The following PGAP1 variants were observed in gnomAD, a reference collection of about 807,000 sequenced individuals.
PGAP1 encodes the protein GPI inositol-deacylase.
PGAP1 carries 76 observed loss-of-function variants against 127.0 expected under a neutral mutation model. That is an observed-to-expected ratio of 0.60 (90% CI 0.50 to 0.72). The LOEUF (loss-of-function observed/expected upper bound fraction) is 0.72, where lower values mean the gene tolerates loss of function less well. PGAP1 is among the 30% of genes least tolerant of loss of function. PGAP1 has a pLI of 0.00. For missense variants in PGAP1, 982 were observed against 1,071.3 expected (o/e 0.92, Z 1.16); for synonymous variants, 362 against 366.5 (o/e 0.99, Z 0.14).
rs1700398862 is a variant in PGAP1, at chr2:196,841,097, T to C, written c.*137A>G. ...CTTCCCTCAAACATTACAAAACTAA[T>C]TTCCTATTTTCAATATTGTAAAAAT... On this transcript the variant is annotated 3_prime_UTR_variant, in exon 27 of 27. Coordinates refer to ENST00000354764, the MANE Select transcript of PGAP1 (RefSeq NM_024989.4). 1.0e-6 allele frequency: 1 copy of C among 1,004,168 alleles called. No homozygotes were observed. Among genetic ancestry groups the C allele is most frequent in the Non-Finnish European group, 1.4e-6 (1 of 690,240 alleles). The allele number at this position is 1,004,168 out of a possible 1,614,324, so 62.2% of individuals were successfully genotyped here. A position where few individuals can be genotyped will look rare whatever the true frequency, so the allele number is the denominator to read the frequency against.
intron 13 of PGAP1, 82 bp downstream of exon 13, chr2:196,879,994 A>T: frequency 1.0e-6 from 1 of 967,946 alleles, no homozygotes; most frequent in Non-Finnish European, 1.6e-6. Context: ...TAAACTGTGC[A>T]GAAAAACTCA....
chr2:196,922,847 C>T (rs1162295404), intron 1 of PGAP1, among the ~76,000 whole-genome samples: 2 of 150,962 alleles, frequency 1.3e-5, no homozygotes, highest in African/African-American at 2.4e-5. Flanking sequence ...TCACACTTGG[C>T]TAATTTTTTG....
intron 5 of PGAP1, 85 bp downstream of exon 5, chr2:196,902,500 C>T: frequency 8.4e-7 from 1 of 1,190,554 alleles, no homozygotes; most frequent in South Asian, 1.6e-5. Flanking sequence ...GCAGTCATTA[C>T]CATGCAGCTA....
Position 196,833,507 on chromosome 2 carries a change from C to T in PGAP1, c.*7727G>A, listed in dbSNP as rs1475417752. 5 of 152,060 alleles carry T rather than the reference C, an allele frequency of 3.3e-5. No individual in the cohort carries two copies. The highest frequency in any genetic ancestry group is 1.2e-4 in the African/African-American group (5 of 41,406). 9.4% of individuals were successfully genotyped at this position (152,060 alleles called of 1,614,324 possible). ...ATCTCAGCATAACACATAGGTTGTC[C>T]TCTATAAATTTTTTAACTATAGTAT... On this transcript the variant is annotated 3_prime_UTR_variant, in exon 27 of 27. Transcript: ENST00000354764.
chr2:196,922,248 TA>T, intron 1 of PGAP1: 2 of 1,234,322 alleles, frequency 1.6e-6, no homozygotes, highest in Non-Finnish European at 2.1e-6. Flanking sequence ...AATGCTGATT[TA>T]AGAAACTAAA....
In PGAP1 at chr2:196,872,725, G is replaced by C. The variant is rs546330921; in HGVS notation, c.1620-176C>G. 5 of 594,730 alleles carry C rather than the reference G, an allele frequency of 8.4e-6. No individual in the cohort carries two copies. In the South Asian group the frequency reaches 9.5e-5, roughly 11 times the overall value. The allele number at this position is 594,730 out of a possible 1,614,324, so 36.8% of individuals were successfully genotyped here. The stretch of plus-strand genomic sequence containing the variant: ...CACAATTGTTTGAATGCTCCCTCTA[G>C]GACACAGGAGTTGCGAGAGGGTGGA... On this transcript the variant is annotated intron_variant, in intron 17 of 26. Coordinates refer to ENST00000354764, the MANE Select transcript of PGAP1 (RefSeq NM_024989.4).
chr2:196,913,631 ATC>A (rs1702908996), intron 3 of PGAP1, among the ~76,000 whole-genome samples: 1 of 152,162 alleles, frequency 6.6e-6, no homozygotes, highest in Admixed American at 6.5e-5. Flanking sequence ...GTTTTCAACA[ATC>A]TCCTCAGTCT....
chr2:196,926,414 A>G (rs556900857), intron 1 of PGAP1, 56 bp downstream of exon 1: 68 of 1,605,446 alleles, frequency 4.2e-5, no homozygotes, highest in Non-Finnish European at 5.4e-5. Context: ...AGAAGGAAAA[A>G]GGCACCAGGG....
Position 196,843,727 on chromosome 2 carries a change from C to A in PGAP1, c.2525+161G>T, listed in dbSNP as rs150784729. On this transcript the variant is annotated intron_variant, in intron 25 of 26. Coordinates refer to ENST00000354764, the MANE Select transcript of PGAP1 (RefSeq NM_024989.4). ...TGGGCAACAAAGCGGGACTCCATCT[C>A]AAAAAATTAAAAATAAATAAATAAA... Among the ~76,000 whole-genome samples the A allele has an allele frequency of 0.01, 1,529 of 151,848 alleles. 22 individuals are homozygous for A. The highest frequency in any genetic ancestry group is 0.035 in the African/African-American group (1,448 of 41,448).
At position 196,899,850 on chromosome 2, in the gene PGAP1, A is replaced by G. The variant is rs112620906; in HGVS notation, c.808-1481T>C. Among the ~76,000 whole-genome samples the G allele has an allele frequency of 2.6e-4, 39 of 152,316 alleles. No individual in the cohort carries two copies. In the South Asian group the frequency reaches 3.1e-3, roughly 12 times the overall value. On this transcript the variant is annotated intron_variant, in intron 5 of 26. Transcript: ENST00000354764. ...GGAGTTGGAGACCAGCCTGGCTAAC[A>G]TGGTGAAACCGCATCTCTACTAAAA...
At chr2:196,921,123 T>C (rs1439915163) in intron 1 of PGAP1, among the ~76,000 whole-genome samples, 1 of 151,892 alleles carries the variant, frequency 6.6e-6, no homozygotes, top group Non-Finnish European at 1.5e-5. Context: ...TAAAAGAATT[T>C]AACTATGGAG....
At chr2:196,886,094 T>C (rs1416615854) in intron 10 of PGAP1, among the ~76,000 whole-genome samples, 1 of 151,838 alleles carries the variant, frequency 6.6e-6, no homozygotes, top group African/African-American at 2.4e-5. Context: ...AATGTCAACA[T>C]TGATAGGTAA....
At chr2:196,893,517 C>G (rs1353791149) in intron 7 of PGAP1, among the ~76,000 whole-genome samples, 1 of 152,116 alleles carries the variant, frequency 6.6e-6, no homozygotes, top group Admixed American at 6.5e-5. Flanking sequence ...GGATTCACAC[C>G]CAGGCATTCT....
chr2:196,863,825 C>T (rs369434005), intron 20 of PGAP1, among the ~76,000 whole-genome samples: 12 of 151,956 alleles, frequency 7.9e-5, no homozygotes, highest in Admixed American at 2.6e-4. Flanking sequence ...GTGATCCGCC[C>T]GCCTCGGCCT....
At chr2:196,864,468 G>T (rs1701173234) in intron 20 of PGAP1, among the ~76,000 whole-genome samples, 1 of 151,194 alleles carries the variant, frequency 6.6e-6, no homozygotes, top group African/African-American at 2.4e-5. Flanking sequence ...TGTATTATGG[G>T]GTTAAATGTT....
chr2:196,912,609 T>TAAAAAAAAAAAAAAAAAAAAA (rs1702866782), intron 4 of PGAP1, among the ~76,000 whole-genome samples: 1 of 92,300 alleles, frequency 1.1e-5, no homozygotes, highest in African/African-American at 4.1e-5. Context: ...AAAAAAAAAC[T>TAAAAAAAAAAAAAAAAAAAAA]AAACGGAAGC....
Position 196,919,995 on chromosome 2 carries a change from A to C in PGAP1, c.301+2T>G. The C allele has an allele frequency of 6.2e-7, 1 of 1,604,874 alleles. No individual in the cohort carries two copies. Among genetic ancestry groups the C allele is most frequent in the Non-Finnish European group, 8.5e-7 (1 of 1,177,132 alleles). ...TCAAAATTTACTTCCAGTAAGACTTACCTTGCTTATAACTTCCAGCATTAC... is the reference window on the plus strand; with the variant it reads ...TCAAAATTTACTTCCAGTAAGACTTCCCTTGCTTATAACTTCCAGCATTAC... On this transcript the variant is annotated splice_donor_variant, in intron 2 of 26. Transcript: ENST00000354764. LOFTEE classifies it high-confidence loss of function.
rs1700266399 is a variant in PGAP1 at position 196,837,368 on chromosome 2, C to T, written c.*3866G>A. 1 of 152,160 alleles carries T rather than the reference C, an allele frequency of 6.6e-6. No homozygotes were observed. The highest frequency in any genetic ancestry group is 1.5e-5 in the Non-Finnish European group (1 of 68,056). The allele number at this position is 152,160 out of a possible 1,614,324, so 9.4% of individuals were successfully genotyped here. A position where few individuals can be genotyped will look rare whatever the true frequency, so the allele number is the denominator to read the frequency against. ...TAGGAACTAGGCCAGGTGGTCATGC[C>T]TGAAATCCCACTACTTTGGGAGGCC... On this transcript the variant is annotated 3_prime_UTR_variant, in exon 27 of 27. Coordinates refer to ENST00000354764, the MANE Select transcript of PGAP1 (RefSeq NM_024989.4).
chr2:196,897,860 G>T (rs1188051817), intron 6 of PGAP1, among the ~76,000 whole-genome samples: 1 of 152,200 alleles, frequency 6.6e-6, no homozygotes, highest in Non-Finnish European at 1.5e-5. Context: ...ACCAAGATGA[G>T]AGTTCCAAGC....
Sources: gnomAD v4.1 joint callset for allele counts (sites outside exome capture counted in the v4.1 genomes callset) on GRCh38, gnomAD v4.1.1 for gene constraint, MANE v1.5 for transcripts, NCBI Gene and HGNC (gene_info 2026-07-23, HGNC 2026-07-21) for gene names.